The following FASTKD2 variants were observed in gnomAD, a reference collection of about 807,000 sequenced individuals.
FASTKD2 encodes FAST kinase domains 2.
In FASTKD2, 51 loss-of-function variants were observed where a neutral mutation model predicts 63.6. The observed-to-expected ratio is 0.80, with a 90% CI of 0.64 to 1.01. FASTKD2 has a LOEUF of 1.01. Among genes scored for constraint, FASTKD2 ranks in the 50% least tolerant of loss-of-function variants. The pLI, the probability that FASTKD2 is intolerant of heterozygous loss-of-function variation, is 0.00. For synonymous variants in FASTKD2, 284 were observed against 293.4 expected (o/e 0.97, Z 0.33); for missense variants, 786 against 831.1 (o/e 0.95, Z 0.67).
At chr2:206,779,078 C>T (rs1689899853) in intron 7 of FASTKD2, among the ~76,000 whole-genome samples, 1 of 152,146 alleles carries the variant, frequency 6.6e-6, no homozygotes, top group Non-Finnish European at 1.5e-5. Context: ...ATCTGTTTCT[C>T]CCTTCAGATC....
At chr2:206,775,809 T>G (rs951865967) in intron 7 of FASTKD2, among the ~76,000 whole-genome samples, 1 of 152,016 alleles carries the variant, frequency 6.6e-6, no homozygotes, top group African/African-American at 2.4e-5. Context: ...AGCTTCATAC[T>G]GTTTTCCATG....
intron 11 of FASTKD2, 162 bp from the exon 12 acceptor site, chr2:206,791,521 C>T: frequency 1.5e-6 from 1 of 652,172 alleles, no homozygotes; most frequent in East Asian, 2.7e-5. Context: ...TAAACCCTAG[C>T]ATGTAGTCTT....
At position 206,774,370 on chromosome 2, in the gene FASTKD2, A is replaced by G. The variant is rs145963527; in HGVS notation, c.1400A>G (p.Asn467Ser). Residue 467 changes from asparagine (N) to serine (S), a missense_variant, in exon 7 of 12, where the codon AAT becomes AGT. Coordinates refer to ENST00000402774, the MANE Select transcript of FASTKD2 (RefSeq NM_001136193.2). ...LSILHTYSSL[N>S]HVYKCQNKEQ... ...ATTCTTCATACTTACTCTTCTCTCA[A>G]TCATGTCTACAAATGCCAGAACAAA... The G allele has an allele frequency of 9.4e-6, 15 of 1,602,780 alleles. No homozygotes were observed. Among genetic ancestry groups the G allele is most frequent in the Non-Finnish European group, 1.1e-5 (13 of 1,171,628 alleles).
At chr2:206,774,837 A>G (rs1025914261) in intron 7 of FASTKD2, among the ~76,000 whole-genome samples, 6 of 152,068 alleles carry the variant, frequency 3.9e-5, no homozygotes, top group African/African-American at 1.4e-4. Context: ...AATATTGTAC[A>G]GTGGATCTCT....
chr2:206,795,810 C>T lies in FASTKD2; in HGVS notation c.*4008C>T, dbSNP rs887523398. On this transcript the variant is annotated 3_prime_UTR_variant, in exon 12 of 12. Coordinates refer to ENST00000402774, the MANE Select transcript of FASTKD2 (RefSeq NM_001136193.2). ...GACCCCAGGGTGTGGTGTGGCAGGACGAGGAGCATCCATTTTGCTGGTGGG... is the reference window on the plus strand; with the variant it reads ...GACCCCAGGGTGTGGTGTGGCAGGATGAGGAGCATCCATTTTGCTGGTGGG... Among the ~76,000 whole-genome samples, 2 of 152,162 alleles carry T rather than the reference C, an allele frequency of 1.3e-5. No homozygotes were observed. Among genetic ancestry groups the T allele is most frequent in the African/African-American group, 4.8e-5 (2 of 41,436 alleles).
chr2:206,772,368 C>CT (rs1451678919), intron 6 of FASTKD2, 48 bp downstream of exon 6: 1 of 1,526,958 alleles, frequency 6.5e-7, no homozygotes, highest in South Asian at 1.1e-5. Context: ...TTTTAAAACA[C>CT]TAATTCATGT....
At chr2:206,770,930 A>G (rs765405927) in intron 3 of FASTKD2, among the ~76,000 whole-genome samples, 9 of 152,178 alleles carry the variant, frequency 5.9e-5, no homozygotes, top group Non-Finnish European at 1.0e-4. Context: ...GACTATGCAT[A>G]GGATATGTTA....
intron 2 of FASTKD2, 86 bp downstream of exon 2, chr2:206,767,556 TAA>T: frequency 9.9e-7 from 1 of 1,012,800 alleles, no homozygotes; most frequent in Non-Finnish European, 1.5e-6. Context: ...GTAGCCTTCT[TAA>T]AAGAGACTAT....
rs1253905792 is a variant in FASTKD2, at chr2:206,793,444, T to C, written c.*1642T>C. 6.6e-6 allele frequency among the ~76,000 whole-genome samples: 1 copy of C among 152,110 alleles called. No individual in the cohort carries two copies. Among genetic ancestry groups the C allele is most frequent in the Non-Finnish European group, 1.5e-5 (1 of 68,026 alleles). On this transcript the variant is annotated 3_prime_UTR_variant, in exon 12 of 12. Transcript: ENST00000402774. ...TCTCAGCTATGCCATTGGTTCCACA[T>C]CATTTCATCCTCACCTGCTCTTCAG...
intron 1 of FASTKD2, 145 bp from the exon 2 acceptor site, chr2:206,766,499 T>C (rs930465277): frequency 1.8e-6 from 1 of 557,880 alleles, no homozygotes; most frequent in African/African-American, 1.9e-5. Flanking sequence ...GGAGCCCACA[T>C]TGGTAAAAAA....
At chr2:206,791,494 CA>C in intron 11 of FASTKD2, 188 bp from the exon 12 acceptor site, 1 of 581,744 alleles carries the variant, frequency 1.7e-6, no homozygotes. Context: ...GTATAATTTT[CA>C]CAGTTAAAGC....
At chr2:206,785,161 AC>A (rs1690107261) in intron 7 of FASTKD2, among the ~76,000 whole-genome samples, 1 of 152,148 alleles carries the variant, frequency 6.6e-6, no homozygotes, top group Non-Finnish European at 1.5e-5. Context: ...CTTATTGACT[AC>A]CACAAGAAGA....
intron 6 of FASTKD2, among the ~76,000 whole-genome samples, chr2:206,772,695 A>T (rs1396668826): frequency 6.6e-6 from 1 of 152,212 alleles, no homozygotes; most frequent in South Asian, 2.1e-4. Flanking sequence ...TCAGCTGTGC[A>T]ATCATGAGGG....
chr2:206,787,240 A>T (rs1201131947), intron 8 of FASTKD2, among the ~76,000 whole-genome samples: 1 of 152,206 alleles, frequency 6.6e-6, no homozygotes, highest in Non-Finnish European at 1.5e-5. Flanking sequence ...ATCCTTACTT[A>T]TCACATTTGA....
At chr2:206,783,259 G>T (rs1690041431) in intron 7 of FASTKD2, 3 of 147,832 alleles carry the variant, frequency 2.0e-5, no homozygotes, top group Admixed American at 2.0e-4. Context: ...CCAGTCTCCG[G>T]TGCAGCCTTG....
At chr2:206,770,558 C>T (rs984267712) in intron 3 of FASTKD2, among the ~76,000 whole-genome samples, 2 of 151,740 alleles carry the variant, frequency 1.3e-5, no homozygotes, top group African/African-American at 4.8e-5. Flanking sequence ...GGTGAAAGCC[C>T]GTCTCTACTA....
At chr2:206,772,434 C>A in intron 6 of FASTKD2, 114 bp downstream of exon 6, 3 of 1,086,440 alleles carry the variant, frequency 2.8e-6, no homozygotes, top group Non-Finnish European at 4.1e-6. Flanking sequence ...CAAAATATTC[C>A]AATGCTGAAT....
chr2:206,783,544 A>G (rs1363979770), intron 7 of FASTKD2, among the ~76,000 whole-genome samples: 3 of 152,096 alleles, frequency 2.0e-5, no homozygotes, highest in Non-Finnish European at 2.9e-5. Flanking sequence ...GACAAATAAT[A>G]TCAAGCTAAG....
rs944670819 is a variant in FASTKD2, at chr2:206,795,165, T to G, written c.*3363T>G. Reference sequence around the variant, plus strand: ...GACTCCACCCTGTTTTGCGCTGACTTGTAGGGAGACCTAGGTGTGGAGCTT... The same window carrying G: ...GACTCCACCCTGTTTTGCGCTGACTGGTAGGGAGACCTAGGTGTGGAGCTT... On this transcript the variant is annotated 3_prime_UTR_variant, in exon 12 of 12. Transcript: ENST00000402774. 6.6e-6 allele frequency among the ~76,000 whole-genome samples: 1 copy of G among 152,192 alleles called. No individual in the cohort carries two copies. The highest frequency in any genetic ancestry group is 1.5e-5 in the Non-Finnish European group (1 of 68,014).
Sources: gnomAD v4.1 joint callset for allele counts (sites outside exome capture counted in the v4.1 genomes callset) on GRCh38, gnomAD v4.1.1 for gene constraint, MANE v1.5 for transcripts, NCBI Gene and HGNC (gene_info 2026-07-23, HGNC 2026-07-21) for gene names.